Variants in FNIP2 observed in about 807,000 individuals in gnomAD.
FNIP2 encodes folliculin-interacting protein 2.
In FNIP2, 32 loss-of-function variants were observed where a neutral mutation model predicts 108.7. The observed-to-expected ratio is 0.29, with a 90% CI of 0.22 to 0.40. The LOEUF (loss-of-function observed/expected upper bound fraction) is 0.40, where lower values mean the gene tolerates loss of function less well. Ranked by LOEUF, FNIP2 falls within the 10% of genes least tolerant of loss-of-function variation. FNIP2 has a pLI of 1.00. For missense variants in FNIP2, 1,202 were observed against 1,381.6 expected (o/e 0.87, Z 2.06); for synonymous variants, 480 against 496.7 (o/e 0.97, Z 0.45).
intron 1 of FNIP2, among the ~76,000 whole-genome samples, chr4:158,790,513 G>A (rs1560755836): frequency 6.6e-6 from 1 of 152,074 alleles, no homozygotes; most frequent in Non-Finnish European, 1.5e-5. Flanking sequence ...AGCATTTTGG[G>A]AGGTGAGGCA....
At chr4:158,830,497 CATG>C (rs1477905472) in intron 3 of FNIP2, among the ~76,000 whole-genome samples, 1 of 152,052 alleles carries the variant, frequency 6.6e-6, no homozygotes, top group Non-Finnish European at 1.5e-5. Flanking sequence ...CTCCTGACCT[CATG>C]ATCCACCCGC....
chr4:158,805,954 A>AG (rs1776933027), intron 1 of FNIP2: 1 of 225,672 alleles, frequency 4.4e-6, no homozygotes, highest in Non-Finnish European at 8.3e-6. Flanking sequence ...ATGGGATTGC[A>AG]GACAGCGTGT....
At chr4:158,870,614 T>C in intron 14 of FNIP2, 145 bp downstream of exon 14, 1 of 1,032,408 alleles carries the variant, frequency 9.7e-7, no homozygotes, top group East Asian at 2.6e-5. Flanking sequence ...CAGCTAGGGC[T>C]AGTGAGGCAC....
intron 7 of FNIP2, 25 bp downstream of exon 7, chr4:158,835,501 T>G (rs777311385): frequency 6.3e-7 from 1 of 1,599,268 alleles, no homozygotes; most frequent in South Asian, 1.1e-5. Flanking sequence ...TTTATTGGTT[T>G]AACTAACAGA....
chr4:158,849,251 T>G (rs1488994435), intron 7 of FNIP2, among the ~76,000 whole-genome samples: 1 of 152,142 alleles, frequency 6.6e-6, no homozygotes, highest in Non-Finnish European at 1.5e-5. Flanking sequence ...CTTGCCTTAA[T>G]GAAGAGGAAT....
At chr4:158,894,669 C>T (rs1022629812) in intron 15 of FNIP2, among the ~76,000 whole-genome samples, 1 of 152,124 alleles carries the variant, frequency 6.6e-6, no homozygotes, top group African/African-American at 2.4e-5. Context: ...TTCTATTTCA[C>T]TCCATAAGGA....
In FNIP2 at chr4:158,835,286, G is replaced by A. The variant is rs980286091; in HGVS notation, c.656-119G>A. On this transcript the variant is annotated intron_variant, in intron 6 of 16. Transcript: ENST00000264433. Reference sequence around the variant, plus strand: ...GCCTTCTAGTTAATCTCTATTAAAAGCTTATGCCAATCATCAGTAGCAGTA... The same window carrying A: ...GCCTTCTAGTTAATCTCTATTAAAAACTTATGCCAATCATCAGTAGCAGTA... The A allele has an allele frequency of 2.8e-5, 20 of 703,296 alleles. No homozygotes were observed. In the African/African-American group the frequency reaches 3.6e-4, roughly 13 times the overall value. 43.6% of individuals were successfully genotyped at this position (703,296 alleles called of 1,614,324 possible). A position where few individuals can be genotyped will look rare whatever the true frequency, so the allele number is the denominator to read the frequency against.
Position 158,769,328 on chromosome 4 carries a change from G to C in FNIP2, c.107+9G>C. ...GAAGGACCCGCCTTTAGGTGAGGGG[G>C]CGCCGGGGGGCAATTCTGGCGCGGG... On this transcript the variant is annotated intron_variant, in intron 1 of 16. Transcript: ENST00000264433. 6.8e-7 allele frequency: 1 copy of C among 1,477,444 alleles called. No individual in the cohort carries two copies. The highest frequency in any genetic ancestry group is 9.0e-7 in the Non-Finnish European group (1 of 1,112,988). The allele number at this position is 1,477,444 out of a possible 1,614,324, so 91.5% of individuals were successfully genotyped here.
chr4:158,881,233 C>CCTCTCTTT (rs1399923160), intron 14 of FNIP2, among the ~76,000 whole-genome samples: 1 of 149,514 alleles, frequency 6.7e-6, no homozygotes, highest in Non-Finnish European at 1.5e-5. Context: ...TCTCCCTCTC[C>CCTCTCTTT]CTCTCTTTCC....
intron 1 of FNIP2, among the ~76,000 whole-genome samples, chr4:158,782,522 TG>T (rs138593472): frequency 0.25 from 35,222 of 138,958 alleles, 4,992 homozygotes; most frequent in Non-Finnish European, 0.35. Flanking sequence ...GCTTCCTTTT[TG>T]TTTTTTTTTT....
At chr4:158,891,150 G>A (rs1447277258) in intron 14 of FNIP2, among the ~76,000 whole-genome samples, 2 of 152,102 alleles carry the variant, frequency 1.3e-5, no homozygotes, top group African/African-American at 4.8e-5. Context: ...CATTGGCTTT[G>A]AGGCAGGTCT....
chr4:158,864,127 A>C (rs1474982251), intron 12 of FNIP2, among the ~76,000 whole-genome samples: 1 of 152,134 alleles, frequency 6.6e-6, no homozygotes, highest in Non-Finnish European at 1.5e-5. Context: ...CCAACCACCC[A>C]GGCTCAAGTG....
intron 1 of FNIP2, among the ~76,000 whole-genome samples, chr4:158,788,237 C>T (rs1003043933): frequency 3.3e-5 from 5 of 152,186 alleles, no homozygotes; most frequent in Non-Finnish European, 7.3e-5. Context: ...AAGCCTTTGC[C>T]GATAATCTGC....
chr4:158,878,207 C>T (rs767741508), intron 14 of FNIP2, among the ~76,000 whole-genome samples: 15 of 152,142 alleles, frequency 9.9e-5, no homozygotes, highest in Non-Finnish European at 2.1e-4. Flanking sequence ...AGTCTTGATA[C>T]AGGTCCTAGG....
intron 1 of FNIP2, among the ~76,000 whole-genome samples, chr4:158,783,339 A>G (rs1776114406): frequency 6.6e-6 from 1 of 152,160 alleles, no homozygotes; most frequent in Admixed American, 6.6e-5. Flanking sequence ...TATTTTAGAA[A>G]CCATTCTGTA....
At chr4:158,866,313 G>A (rs1437663206) in intron 12 of FNIP2, among the ~76,000 whole-genome samples, 1 of 126,136 alleles carries the variant, frequency 7.9e-6, no homozygotes, top group Non-Finnish European at 1.6e-5. Flanking sequence ...CTGCCTCCCG[G>A]GCTCAAGCGA....
Position 158,881,016 on chromosome 4 carries a change from A to T in FNIP2, c.2950-10430A>T, listed in dbSNP as rs988154681. Among the ~76,000 whole-genome samples, 6 of 152,216 alleles carry T rather than the reference A, an allele frequency of 3.9e-5. No homozygotes were observed. In the East Asian group the frequency reaches 1.2e-3, roughly 29 times the overall value. On this transcript the variant is annotated intron_variant, in intron 14 of 16. Coordinates refer to ENST00000264433, the MANE Select transcript of FNIP2 (RefSeq NM_020840.3). ...TACAGCTACATAAAAGCTAATATTA[A>T]GTCATGGTGCTGTAACATAAGGAGA... is the stretch of plus-strand genomic sequence containing the variant.
At chr4:158,870,239 G>T in intron 13 of FNIP2, 74 bp from the exon 14 acceptor site, 1 of 1,499,524 alleles carries the variant, frequency 6.7e-7, no homozygotes. Flanking sequence ...TCATTGGAGT[G>T]CTTGTACCAA....
intron 2 of FNIP2, among the ~76,000 whole-genome samples, chr4:158,828,077 G>A (rs540844939): frequency 4.6e-5 from 7 of 152,244 alleles, no homozygotes; most frequent in African/African-American, 1.7e-4. Context: ...TTGGGGAGAG[G>A]TAAATATTAA....
Sources: allele counts gnomAD v4.1 joint callset (sites outside exome capture counted in the v4.1 genomes callset), GRCh38; gene constraint gnomAD v4.1.1; transcripts MANE v1.5; gene names NCBI Gene and HGNC (gene_info 2026-07-23, HGNC 2026-07-21).